GEMIN8: variants seen among roughly 807,000 people sequenced by gnomAD.
GEMIN8 encodes the protein gem-associated protein 8.
For synonymous variants in GEMIN8, 80 were observed against 78.5 expected (o/e 1.02, Z -0.10); for missense variants, 185 against 205.9 (o/e 0.90, Z 0.62).
intron 1 of GEMIN8, among the ~76,000 whole-genome samples, chrX:14,026,657 A>C (rs1038045911): frequency 5.3e-5 from 6 of 112,542 alleles, no homozygotes; most frequent in Non-Finnish European, 1.1e-4. Context: ...CTTTGTTGAC[A>C]GGTAGTGCCA....
chrX:14,000,318 C>T, the GEMIN8 span, among the ~76,000 whole-genome samples: 5 of 107,071 alleles, frequency 4.7e-5, no homozygotes, highest in African/African-American at 1.0e-4. Context: ...AAATTTAGGC[C>T]GGGCGCAGTG....
At chrX:14,000,041 A>T in the GEMIN8 span, among the ~76,000 whole-genome samples, 1 of 111,401 alleles carries the variant, frequency 9.0e-6, no homozygotes, top group Admixed American at 9.6e-5. Flanking sequence ...ATGGTGGCTC[A>T]CACGTGTAAT....
chrX:14,025,365 C>G (rs1300059293), intron 2 of GEMIN8, among the ~76,000 whole-genome samples: 3 of 110,164 alleles, frequency 2.7e-5, no homozygotes, highest in African/African-American at 9.9e-5. Flanking sequence ...ACCAAACAAC[C>G]CTTTAAAAAT....
At chrX:13,988,254 T>G in the GEMIN8 span, among the ~76,000 whole-genome samples, 1 of 111,441 alleles carries the variant, frequency 9.0e-6, no homozygotes, top group Non-Finnish European at 1.9e-5. Context: ...CAACTGCCCC[T>G]CTGACAACCT....
chrX:14,013,673 C>T (rs1923711302), intron 4 of GEMIN8, among the ~76,000 whole-genome samples: 1 of 111,437 alleles, frequency 9.0e-6, no homozygotes, highest in African/African-American at 3.3e-5. Flanking sequence ...GATGCTGCCA[C>T]AAGCCAAGGA....
At chrX:14,015,175 G>A (rs757235932) in intron 4 of GEMIN8, among the ~76,000 whole-genome samples, 1 of 111,055 alleles carries the variant, frequency 9.0e-6, no homozygotes, top group Non-Finnish European at 1.9e-5. Context: ...TGTTTCAGAG[G>A]GCCTTACTCT....
chrX:13,988,512 C>T, the GEMIN8 span, among the ~76,000 whole-genome samples: 2 of 107,767 alleles, frequency 1.9e-5, no homozygotes, highest in African/African-American at 6.8e-5. Context: ...ATTTTCTCAT[C>T]ACACTCATCT....
At chrX:14,005,226 G>A (rs1300266025), downstream of GEMIN8, among the ~76,000 whole-genome samples, 2 of 110,603 alleles carry the variant, frequency 1.8e-5, no homozygotes, top group Non-Finnish European at 3.8e-5. Flanking sequence ...ACAGCTTCGG[G>A]ATGGGGCCAG....
chrX:14,013,885 GAAC>G (rs1923732469), intron 4 of GEMIN8: 2 of 637,215 alleles, frequency 3.1e-6, no homozygotes, highest in Non-Finnish European at 3.7e-6. Flanking sequence ...GTTAAAACAA[GAAC>G]AATAGGCATG....
At chrX:14,021,224 A>G (rs1924286461) in intron 3 of GEMIN8, among the ~76,000 whole-genome samples, 1 of 84,365 alleles carries the variant, frequency 1.2e-5, no homozygotes, top group Admixed American at 1.6e-4. Context: ...GAAGGGGAAC[A>G]TCACACACCA....
chrX:13,990,402 C>G, the GEMIN8 span, among the ~76,000 whole-genome samples: 2 of 112,778 alleles, frequency 1.8e-5, no homozygotes, highest in Non-Finnish European at 3.7e-5. Context: ...TCATCCCACC[C>G]AAGAGGTGAA....
chrX:13,985,616 C>T, the GEMIN8 span, among the ~76,000 whole-genome samples: 3 of 111,963 alleles, frequency 2.7e-5, no homozygotes, highest in Non-Finnish European at 3.8e-5. Context: ...TTTCCTTATA[C>T]GAAACAAGAC....
downstream of GEMIN8, among the ~76,000 whole-genome samples, chrX:14,001,979 G>A (rs974961786): frequency 7.4e-5 from 8 of 107,919 alleles, no homozygotes; most frequent in Non-Finnish European, 1.5e-4. Flanking sequence ...AAAAAAGCCG[G>A]GCGTGGTGGT....
chrX:13,998,297 C>A, the GEMIN8 span, among the ~76,000 whole-genome samples: 11 of 109,949 alleles, frequency 1.0e-4, no homozygotes, highest in East Asian at 1.1e-3. Flanking sequence ...GTGTCCCCAC[C>A]CGAATTTCAT....
chrX:14,002,581 G>A (rs1923014878), downstream of GEMIN8, among the ~76,000 whole-genome samples: 1 of 111,552 alleles, frequency 9.0e-6, no homozygotes, highest in Non-Finnish European at 1.9e-5. Flanking sequence ...TCCGCTCACT[G>A]CAAACTCCGC....
chrX:13,986,183 G>A, the GEMIN8 span, among the ~76,000 whole-genome samples: 1 of 112,334 alleles, frequency 8.9e-6, no homozygotes, highest in Non-Finnish European at 1.9e-5. Flanking sequence ...TGTTATAAAT[G>A]TGGTTCAGGT....
At position 14,007,210 on chromosome X, in the gene GEMIN8, T is replaced by C. The variant is rs941136011; in HGVS notation, c.*1703A>G. ...TAGAAAAATAAGCACCCAGGGCTGA[T>C]GAAAATAATGCATTTGTCTCAGGGC... On this transcript the variant is annotated 3_prime_UTR_variant, in exon 5 of 5. Transcript: ENST00000680255. Among the ~76,000 whole-genome samples the C allele has an allele frequency of 1.8e-5, 2 of 112,128 alleles. No individual in the cohort carries two copies. Among genetic ancestry groups the C allele is most frequent in the African/African-American group, 6.5e-5 (2 of 30,848 alleles).
downstream of GEMIN8, among the ~76,000 whole-genome samples, chrX:14,006,638 A>G (rs1334060727): frequency 9.0e-6 from 1 of 111,516 alleles, no homozygotes; most frequent in Non-Finnish European, 1.9e-5. Flanking sequence ...CCATTCGGAG[A>G]GCTGACAGGG....
At chrX:14,003,794 A>G (rs1404971673), downstream of GEMIN8, among the ~76,000 whole-genome samples, 1 of 112,589 alleles carries the variant, frequency 8.9e-6, no homozygotes, top group Non-Finnish European at 1.9e-5. Context: ...ATTGCTAAAG[A>G]AATTAGTATT....
Sources: gnomAD v4.1 joint callset for allele counts (sites outside exome capture counted in the v4.1 genomes callset) on GRCh38, gnomAD v4.1.1 for gene constraint, MANE v1.5 for transcripts, NCBI Gene and HGNC (gene_info 2026-07-23, HGNC 2026-07-21) for gene names.